The following CACNA1C variants were observed in gnomAD, a reference collection of about 807,000 sequenced individuals.
CACNA1C encodes the protein voltage-dependent L-type calcium channel subunit alpha-1C.
A neutral mutation model predicts 229.0 loss-of-function variants in CACNA1C; 30 were observed. That is an observed-to-expected ratio of 0.13 (90% CI 0.10 to 0.18). CACNA1C has a LOEUF of 0.18. Among genes scored for constraint, CACNA1C ranks in the 10% least tolerant of loss-of-function variants. The pLI, the probability that CACNA1C is intolerant of heterozygous loss-of-function variation, is 1.00. For synonymous variants in CACNA1C, 1,114 were observed against 1,132.5 expected (o/e 0.98, Z 0.33); for missense variants, 1,658 against 2,845.0 (o/e 0.58, Z 9.49).
At chr12:2,052,846 C>A (rs969429968), upstream of CACNA1C, among the ~76,000 whole-genome samples, 2 of 145,396 alleles carry the variant, frequency 1.4e-5, no homozygotes, top group Non-Finnish European at 3.1e-5. Flanking sequence ...CCCTGCGCGC[C>A]GCCGCAGCCA....
intron 1 of CACNA1C, among the ~76,000 whole-genome samples, chr12:2,100,021 A>G (rs1162327933): frequency 6.6e-6 from 1 of 152,234 alleles, no homozygotes; most frequent in Non-Finnish European, 1.5e-5. Flanking sequence ...ATTTGGATCC[A>G]TTCTGCCTGG....
At chr12:2,663,614 T>C (rs1292679809) in intron 34 of CACNA1C, among the ~76,000 whole-genome samples, 1 of 152,108 alleles carries the variant, frequency 6.6e-6, no homozygotes, top group East Asian at 1.9e-4. Flanking sequence ...AGACGACTGC[T>C]TGGGTGATGG....
At chr12:2,060,057 A>G (rs1395187263) in intron 1 of CACNA1C, among the ~76,000 whole-genome samples, 2 of 152,268 alleles carry the variant, frequency 1.3e-5, no homozygotes, top group Non-Finnish European at 2.9e-5. Context: ...GCTACAGAGT[A>G]GAAGTTCATA....
chr12:2,511,385 C>G (rs764230429), intron 8 of CACNA1C, among the ~76,000 whole-genome samples: 4 of 152,232 alleles, frequency 2.6e-5, no homozygotes, highest in African/African-American at 4.8e-5. Context: ...GACTCAGAAG[C>G]AGAGCCCTTT....
rs367951119 is a variant in CACNA1C at position 2,095,160 on chromosome 12, T to C, written c.50-20064T>C. Among the ~76,000 whole-genome samples, 311 of 152,346 alleles carry C rather than the reference T, an allele frequency of 2.0e-3. 1 individual carries two copies. Among genetic ancestry groups the C allele is most frequent in the African/African-American group, 7.2e-3 (298 of 41,580 alleles). ...TATCTCTTCTTGGAGGTGGCTGCTG[T>C]AATTCACTCAATGTGCTTGCAGTCC... On this transcript the variant is annotated intron_variant, in intron 1 of 46. Transcript: ENST00000399655.
At chr12:2,323,992 G>T (rs111759388) in intron 3 of CACNA1C, among the ~76,000 whole-genome samples, 2 of 152,200 alleles carry the variant, frequency 1.3e-5, no homozygotes, top group African/African-American at 4.8e-5. Flanking sequence ...GTTCTCCATC[G>T]CAGGAGCCGG....
At chr12:2,549,366 G>A (rs1229647536) in intron 9 of CACNA1C, among the ~76,000 whole-genome samples, 1 of 152,152 alleles carries the variant, frequency 6.6e-6, no homozygotes, top group African/African-American at 2.4e-5. Flanking sequence ...CTCTGGGGAT[G>A]GCCATTCCCC....
intron 1 of CACNA1C, among the ~76,000 whole-genome samples, chr12:2,066,741 C>T (rs559395995): frequency 1.4e-4 from 22 of 151,826 alleles, no homozygotes; most frequent in African/African-American, 3.1e-4. Context: ...TAGGCAGTGG[C>T]GTTGGGGATG....
intron 9 of CACNA1C, among the ~76,000 whole-genome samples, chr12:2,527,129 G>C (rs925183097): frequency 6.6e-6 from 1 of 152,238 alleles, no homozygotes; most frequent in South Asian, 2.1e-4. Flanking sequence ...AGCCCTTGCT[G>C]TTCCCTAAAT....
At chr12:2,082,553 G>A (rs1383140237) in intron 1 of CACNA1C, among the ~76,000 whole-genome samples, 1 of 152,148 alleles carries the variant, frequency 6.6e-6, no homozygotes, top group African/African-American at 2.4e-5. Context: ...TGGAGCAGGG[G>A]CCCTCTCTCC....
chr12:2,592,444 C>T (rs1414226331), intron 18 of CACNA1C, among the ~76,000 whole-genome samples: 3 of 152,240 alleles, frequency 2.0e-5, no homozygotes, highest in African/African-American at 7.2e-5. Context: ...GCTGGAGAGT[C>T]TGCTCTTCAC....
rs1454355810 is a variant in CACNA1C, at chr12:2,348,014, A to C, written c.478-100962A>C. Among the ~76,000 whole-genome samples, 1 of 152,246 alleles carries C rather than the reference A, an allele frequency of 6.6e-6. No homozygotes were observed. The highest frequency in any genetic ancestry group is 1.5e-5 in the Non-Finnish European group (1 of 68,026). On this transcript the variant is annotated intron_variant, in intron 3 of 46. Transcript: ENST00000399655. The surrounding 1 kb of genome is among the most constrained non-coding windows in gnomAD (Gnocchi z 4.7). ...GAAACAGTCTTTGGTACCTGCTGAG[A>C]GAGCCAGTGCCAGCTGGGAAATCTG...
chr12:2,156,518 A>T (rs531430912), intron 3 of CACNA1C, among the ~76,000 whole-genome samples: 109 of 152,330 alleles, frequency 7.2e-4, no homozygotes, highest in African/African-American at 2.5e-3. Flanking sequence ...CTCTTTGATG[A>T]CATATTTGGC....
chr12:2,075,667 G>T (rs1439465539), intron 1 of CACNA1C, among the ~76,000 whole-genome samples: 1 of 152,232 alleles, frequency 6.6e-6, no homozygotes, highest in Non-Finnish European at 1.5e-5. Context: ...CAAGCCTGTG[G>T]ATACTGCCCT....
At chr12:2,325,450 T>C (rs1186905767) in intron 3 of CACNA1C, among the ~76,000 whole-genome samples, 1 of 152,242 alleles carries the variant, frequency 6.6e-6, no homozygotes, top group Non-Finnish European at 1.5e-5. Flanking sequence ...AAATTTGTTC[T>C]TTTTGGGTAC....
intron 3 of CACNA1C, among the ~76,000 whole-genome samples, chr12:2,301,077 G>A (rs2094521141): frequency 6.6e-6 from 1 of 152,294 alleles, no homozygotes; most frequent in African/African-American, 2.4e-5. Context: ...TCCGTGTCCT[G>A]TCGTGAGCCG....
intron 8 of CACNA1C, among the ~76,000 whole-genome samples, chr12:2,511,263 C>T (rs2154579433): frequency 6.6e-6 from 1 of 152,356 alleles, no homozygotes; most frequent in South Asian, 2.1e-4. Context: ...GCCCCAACTC[C>T]ATCTCACCAT....
At chr12:2,550,072 C>G (rs770106579) in intron 10 of CACNA1C, 39 bp downstream of exon 10, 8 of 1,356,456 alleles carry the variant, frequency 5.9e-6, no homozygotes, top group Non-Finnish European at 8.3e-6. Context: ...GGGGCTTTTT[C>G]TGGAGCATGG....
chr12:2,262,355 C>G (rs1482796556), intron 3 of CACNA1C, among the ~76,000 whole-genome samples: 1 of 152,236 alleles, frequency 6.6e-6, no homozygotes, highest in Non-Finnish European at 1.5e-5. Flanking sequence ...ACTTAGCCAC[C>G]TATTAAACAC....
Sources: allele counts gnomAD v4.1 joint callset (sites outside exome capture counted in the v4.1 genomes callset), GRCh38; gene constraint gnomAD v4.1.1; non-coding constraint Gnocchi (gnomAD v3.1); transcripts MANE v1.5; gene names NCBI Gene and HGNC (gene_info 2026-07-23, HGNC 2026-07-21).